The following DARS1 variants were observed in gnomAD, a reference collection of about 807,000 sequenced individuals.
DARS1 encodes the protein aspartate--tRNA ligase, cytoplasmic.
A neutral mutation model predicts 68.8 loss-of-function variants in DARS1; 51 were observed. The ratio of observed to expected loss-of-function variants is 0.74; its 90% CI spans 0.59 to 0.94. The LOEUF is 0.94. Among genes scored for constraint, DARS1 ranks in the 40% least tolerant of loss-of-function variants. DARS1 has a pLI of 0.00. For synonymous variants in DARS1, 203 were observed against 190.4 expected, an observed-to-expected ratio of 1.07 and a Z score of -0.55; for missense variants, 607 against 597.3, an observed-to-expected ratio of 1.02 and a Z score of -0.17.
At chr2:135,926,278 TTA>T (rs1681210035) in intron 7 of DARS1, among the ~76,000 whole-genome samples, 1 of 152,202 alleles carries the variant, frequency 6.6e-6, no homozygotes, top group Non-Finnish European at 1.5e-5. Flanking sequence ...AATTTCACCA[TTA>T]TGTTTTTAAA....
At chr2:135,918,738 T>C (rs1681053402) in intron 10 of DARS1, among the ~76,000 whole-genome samples, 1 of 152,126 alleles carries the variant, frequency 6.6e-6, no homozygotes, top group African/African-American at 2.4e-5. Context: ...AAAAAATGAG[T>C]TTCTGAAACT....
chr2:135,914,317 A>G, intron 12 of DARS1, 152 bp downstream of exon 12: 1 of 592,378 alleles, frequency 1.7e-6, no homozygotes. Context: ...CAATTTTCTA[A>G]GAAAAAAATT....
At chr2:135,978,117 T>A (rs1411804184) in intron 3 of DARS1, among the ~76,000 whole-genome samples, 1 of 115,236 alleles carries the variant, frequency 8.7e-6, no homozygotes, top group East Asian at 2.6e-4. Context: ...CACTCCAGCC[T>A]GGGTGACAGA....
At chr2:135,971,572 G>A (rs1029831272) in intron 3 of DARS1, among the ~76,000 whole-genome samples, 1 of 152,034 alleles carries the variant, frequency 6.6e-6, no homozygotes, top group African/African-American at 2.4e-5. Flanking sequence ...TTCAACATAG[G>A]ACTAGAAATC....
chr2:135,984,300 G>C (rs763276624), intron 1 of DARS1, among the ~76,000 whole-genome samples: 3 of 152,150 alleles, frequency 2.0e-5, no homozygotes, highest in Non-Finnish European at 2.9e-5. Context: ...ATGTAATTAA[G>C]CAGATTAAGA....
At chr2:135,958,880 T>C (rs1682036503) in intron 4 of DARS1, among the ~76,000 whole-genome samples, 1 of 152,120 alleles carries the variant, frequency 6.6e-6, no homozygotes, top group African/African-American at 2.4e-5. Context: ...ACAAGGTTTA[T>C]AATTTGGAAC....
In DARS1 at chr2:135,922,773, C is replaced by T; in HGVS notation, c.811+11G>A. ...ATTAACTTGGATAAAACATAACTGC[C>T]AAAATCTTACCTGGTCCAATAGAGA... On this transcript the variant is annotated intron_variant, in intron 9 of 15. Transcript: ENST00000264161. 1 of 1,526,446 alleles carries T rather than the reference C, an allele frequency of 6.6e-7. No homozygotes were observed. The highest frequency in any genetic ancestry group is 8.7e-7 in the Non-Finnish European group (1 of 1,144,558). 94.6% of individuals were successfully genotyped at this position (1,526,446 alleles called of 1,614,324 possible).
At chr2:135,982,710 A>T (rs1458956767) in intron 2 of DARS1, among the ~76,000 whole-genome samples, 2 of 152,186 alleles carry the variant, frequency 1.3e-5, no homozygotes, top group African/African-American at 4.8e-5. Context: ...CAGACACTAA[A>T]GCTACGAGTA....
chr2:135,925,827 C>A (rs1295572088), intron 7 of DARS1, among the ~76,000 whole-genome samples: 3 of 152,144 alleles, frequency 2.0e-5, no homozygotes, highest in Admixed American at 2.0e-4. Context: ...AGCCTAGTGA[C>A]CTATTTAGCA....
At chr2:135,933,634 A>C (rs1681402321) in intron 6 of DARS1, among the ~76,000 whole-genome samples, 1 of 152,144 alleles carries the variant, frequency 6.6e-6, no homozygotes, top group South Asian at 2.1e-4. Flanking sequence ...ATTTTTAATA[A>C]AGTAATAAAT....
At chr2:135,943,522 A>T (rs776583301) in intron 4 of DARS1, 42 bp from the exon 5 acceptor site, 44 of 1,602,890 alleles carry the variant, frequency 2.7e-5, no homozygotes, top group Non-Finnish European at 3.4e-5. Context: ...ATCTCATCAG[A>T]GGTGTCAGAA....
At chr2:135,979,394 T>C (rs559905458) in intron 2 of DARS1, 28 bp from the exon 3 acceptor site, 3 of 891,784 alleles carry the variant, frequency 3.4e-6, no homozygotes, top group South Asian at 1.4e-5. Context: ...GATTTTTATA[T>C]AGTAAAATAA....
intron 4 of DARS1, among the ~76,000 whole-genome samples, chr2:135,959,654 A>G (rs954502305): frequency 9.9e-5 from 15 of 152,078 alleles, no homozygotes; most frequent in African/African-American, 3.6e-4. Context: ...AATAATAGGA[A>G]TAACTTATTT....
intron 15 of DARS1, among the ~76,000 whole-genome samples, chr2:135,908,927 T>C (rs1338054121): frequency 1.3e-5 from 2 of 151,974 alleles, no homozygotes; most frequent in African/African-American, 4.8e-5. Context: ...ACGTAGTACA[T>C]ATATACCACG....
At chr2:135,976,391 A>G (rs1469125605) in intron 3 of DARS1, among the ~76,000 whole-genome samples, 1 of 152,178 alleles carries the variant, frequency 6.6e-6, no homozygotes, top group Non-Finnish European at 1.5e-5. Flanking sequence ...ATAACAGTTA[A>G]TATACTAATA....
At position 135,933,898 on chromosome 2, in the gene DARS1, T is replaced by C. The variant is rs568570694; in HGVS notation, c.504+12A>G. The C allele has an allele frequency of 5.6e-6, 9 of 1,610,854 alleles. No homozygotes were observed. The African/African-American group carries it at 9.3e-5, about 17-fold the overall frequency. Reference sequence around the variant, plus strand: ...CAGCGGAAGCATAATATTTCATAAGTATAATTTTTACCTCTTCTCCTTCTG... The same window carrying C: ...CAGCGGAAGCATAATATTTCATAAGCATAATTTTTACCTCTTCTCCTTCTG... On this transcript the variant is annotated intron_variant, in intron 6 of 15. Transcript: ENST00000264161.
intron 3 of DARS1, among the ~76,000 whole-genome samples, chr2:135,966,893 G>T (rs1346317271): frequency 6.6e-6 from 1 of 152,186 alleles, no homozygotes; most frequent in African/African-American, 2.4e-5. Flanking sequence ...GTTTTCAGAA[G>T]AAGCAGTTTA....
At chr2:135,971,436 T>C (rs555675960) in intron 3 of DARS1, among the ~76,000 whole-genome samples, 24 of 152,224 alleles carry the variant, frequency 1.6e-4, no homozygotes, top group African/African-American at 5.8e-4. Context: ...AGAAGGAACA[T>C]ACCTTAACAT....
intron 7 of DARS1, among the ~76,000 whole-genome samples, chr2:135,929,068 G>A (rs1325540786): frequency 2.0e-5 from 3 of 152,054 alleles, no homozygotes; most frequent in Non-Finnish European, 2.9e-5. Flanking sequence ...TCATTCTAAC[G>A]TATGACAAAA....
Sources: gnomAD v4.1 joint callset for allele counts (sites outside exome capture counted in the v4.1 genomes callset) on GRCh38, gnomAD v4.1.1 for gene constraint, MANE v1.5 for transcripts, NCBI Gene and HGNC (gene_info 2026-07-23, HGNC 2026-07-21) for gene names.